The following TGFB2 variants were observed in gnomAD, a reference collection of about 807,000 sequenced individuals.
TGFB2 encodes transforming growth factor beta-2 proprotein.
Under a neutral mutation model 42.7 loss-of-function variants are expected in TGFB2, and 13 were observed. The ratio of observed to expected loss-of-function variants is 0.30; its 90% CI spans 0.20 to 0.48. TGFB2 has a LOEUF of 0.48. Ranked by LOEUF, TGFB2 falls within the 20% of genes least tolerant of loss-of-function variation. The probability of loss-of-function intolerance (pLI) is 0.99; values close to 1 mark genes in which losing one functional copy is unlikely to be tolerated. For missense variants in TGFB2, 390 were observed against 517.5 expected (o/e 0.75, Z 2.39); for synonymous variants, 193 against 193.6 (o/e 1.00, Z 0.03).
chr1:218,419,388 C>T (rs1464895744), intron 2 of TGFB2, among the ~76,000 whole-genome samples: 2 of 152,126 alleles, frequency 1.3e-5, no homozygotes, highest in East Asian at 1.9e-4. Flanking sequence ...CTTTGGCCAC[C>T]GTACCTAAGA....
intron 1 of TGFB2, among the ~76,000 whole-genome samples, chr1:218,397,075 T>C (rs1441860236): frequency 2.0e-5 from 3 of 151,640 alleles, no homozygotes; most frequent in Non-Finnish European, 4.4e-5. Flanking sequence ...GAGACCAGCC[T>C]GGCCAACATG....
Position 218,443,058 on chromosome 1 carries a change from T to A in TGFB2, c.*1696T>A, listed in dbSNP as rs1660208461. ...GGAAAAAAGTCCAGGTCAGCATAAG[T>A]CATTTTGTGTATTTCACTGAAGTTA... On this transcript the variant is annotated 3_prime_UTR_variant, in exon 7 of 7. Coordinates refer to ENST00000366930, the MANE Select transcript of TGFB2 (RefSeq NM_003238.6). 1 of 152,216 alleles carries A rather than the reference T, an allele frequency of 6.6e-6. No homozygotes were observed. Among genetic ancestry groups the A allele is most frequent in the East Asian group, 1.9e-4 (1 of 5,202 alleles). The allele number at this position is 152,216 out of a possible 1,614,324, so 9.4% of individuals were successfully genotyped here.
intron 4 of TGFB2, 61 bp from the exon 5 acceptor site, chr1:218,435,909 G>A: frequency 6.6e-7 from 1 of 1,508,212 alleles, no homozygotes; most frequent in Middle Eastern, 1.8e-4. Context: ...AAAAAAATAT[G>A]GCTGACTATA....
At chr1:218,413,364 C>T (rs572025537) in intron 2 of TGFB2, among the ~76,000 whole-genome samples, 1 of 152,266 alleles carries the variant, frequency 6.6e-6, no homozygotes, top group Admixed American at 6.5e-5. Flanking sequence ...TCACTGTTGG[C>T]GCTGGTAGAA....
chr1:218,366,201 T>C (rs1266969373), intron 1 of TGFB2, among the ~76,000 whole-genome samples: 1 of 152,200 alleles, frequency 6.6e-6, no homozygotes, highest in Non-Finnish European at 1.5e-5. Flanking sequence ...TATGAAGGAA[T>C]GGATTAATAG....
intron 1 of TGFB2, among the ~76,000 whole-genome samples, chr1:218,364,862 G>A (rs551589533): frequency 4.6e-5 from 7 of 152,214 alleles, no homozygotes; most frequent in South Asian, 2.1e-4. Flanking sequence ...TAAAGCTCCC[G>A]TTTGTGAGTC....
chr1:218,363,988 A>AT (rs200131437), intron 1 of TGFB2, among the ~76,000 whole-genome samples: 85 of 151,500 alleles, frequency 5.6e-4, no homozygotes, highest in African/African-American at 1.5e-3. Context: ...AAATTATGAG[A>AT]TTTTTTTTTG....
At chr1:218,351,870 G>A (rs1656878006) in intron 1 of TGFB2, among the ~76,000 whole-genome samples, 1 of 152,182 alleles carries the variant, frequency 6.6e-6, no homozygotes, top group African/African-American at 2.4e-5. Context: ...GTTTTTCCTA[G>A]AGGAAACTGA....
intron 1 of TGFB2, among the ~76,000 whole-genome samples, chr1:218,397,560 T>C (rs1239151406): frequency 7.8e-6 from 1 of 128,622 alleles, no homozygotes; most frequent in Non-Finnish European, 1.6e-5. Flanking sequence ...CGAGACTCCG[T>C]CTCAAAAAAA....
At chr1:218,432,507 A>G (rs1030494528) in intron 2 of TGFB2, among the ~76,000 whole-genome samples, 1 of 152,210 alleles carries the variant, frequency 6.6e-6, no homozygotes, top group African/African-American at 2.4e-5. Context: ...GTCTACCATT[A>G]TGGCAAGTAT....
chr1:218,379,370 A>G (rs1281382320), intron 1 of TGFB2, among the ~76,000 whole-genome samples: 2 of 151,382 alleles, frequency 1.3e-5, no homozygotes, highest in African/African-American at 4.9e-5. Flanking sequence ...TCCTGACCTC[A>G]TGATCCACCC....
intron 1 of TGFB2, among the ~76,000 whole-genome samples, chr1:218,349,589 T>C (rs1656803317): frequency 6.6e-6 from 1 of 152,196 alleles, no homozygotes; most frequent in Non-Finnish European, 1.5e-5. Flanking sequence ...TTATTAGCGT[T>C]CAGGGAGTGA....
chr1:218,383,904 A>G (rs563764450), intron 1 of TGFB2, among the ~76,000 whole-genome samples: 125 of 152,372 alleles, frequency 8.2e-4, no homozygotes, highest in Middle Eastern at 3.4e-3. Context: ...CACATTCGGG[A>G]TCCCGAAAAT....
In TGFB2 at chr1:218,346,814, A is replaced by G; in HGVS notation, c.113A>G (p.Glu38Gly). 6.2e-7 allele frequency: 1 copy of G among 1,614,148 alleles called. No homozygotes were observed. Reference sequence around the variant, plus strand: ...GACCAGTTCATGCGCAAGAGGATCGAGGCGATCCGCGGGCAGATCCTGAGC... The same window carrying G: ...GACCAGTTCATGCGCAAGAGGATCGGGGCGATCCGCGGGCAGATCCTGAGC... ...DMDQFMRKRIEAIRGQILSKL... is the reference protein window; with the variant it reads ...DMDQFMRKRIGAIRGQILSKL... Residue 38 changes from glutamate (E) to glycine (G), a missense_variant, in exon 1 of 7, where the codon GAG (glutamate) becomes GGG (glycine). Physicochemically the swap from Glu to Gly is moderately conservative, Grantham distance 98. Transcript: ENST00000366930. The surrounding 1 kb of genome is among the most constrained non-coding windows in gnomAD (Gnocchi z 4.9).
At chr1:218,403,124 C>T (rs1658786246) in intron 1 of TGFB2, among the ~76,000 whole-genome samples, 1 of 152,264 alleles carries the variant, frequency 6.6e-6, no homozygotes, top group South Asian at 2.1e-4. Flanking sequence ...TCAACTAATT[C>T]GCAGTGGTGA....
intron 2 of TGFB2, among the ~76,000 whole-genome samples, chr1:218,409,663 T>TG (rs1056224179): frequency 2.1e-5 from 3 of 143,216 alleles, no homozygotes; most frequent in African/African-American, 8.0e-5. Flanking sequence ...AATATTATTT[T>TG]GGAAAAAAAA....
intron 2 of TGFB2, among the ~76,000 whole-genome samples, chr1:218,406,222 T>G (rs563831169): frequency 1.3e-5 from 2 of 150,898 alleles, no homozygotes; most frequent in Non-Finnish European, 3.0e-5. Flanking sequence ...CACACTTTCC[T>G]CCATTATTTG....
At chr1:218,435,158 T>A (rs892713439) in intron 4 of TGFB2, among the ~76,000 whole-genome samples, 18 of 152,300 alleles carry the variant, frequency 1.2e-4, no homozygotes, top group African/African-American at 3.8e-4. Context: ...CTGCCCACAA[T>A]GCCAGGCCAG....
At chr1:218,441,060 A>G (rs1274293287) in intron 6 of TGFB2, 144 bp from the exon 7 acceptor site, 1 of 709,750 alleles carries the variant, frequency 1.4e-6, no homozygotes. Context: ...TTTGACTGTA[A>G]TTTAGGAAAT....
Sources: gnomAD v4.1 joint callset for allele counts (sites outside exome capture counted in the v4.1 genomes callset) on GRCh38, gnomAD v4.1.1 for gene constraint, Gnocchi (gnomAD v3.1) non-coding constraint, MANE v1.5 for transcripts, NCBI Gene and HGNC (gene_info 2026-07-23, HGNC 2026-07-21) for gene names.